The following FLNB variants were observed in gnomAD, a reference collection of about 807,000 sequenced individuals.
The protein encoded by FLNB is filamin-B.
In FLNB, 111 loss-of-function variants were observed where a neutral mutation model predicts 250.6. The observed-to-expected ratio is 0.44, with a 90% confidence interval of 0.38 to 0.52. FLNB has a LOEUF of 0.52. FLNB is among the 20% of genes least tolerant of loss of function. The pLI, the probability that FLNB is intolerant of heterozygous loss-of-function variation, is 0.00. For synonymous variants in FLNB, 1,302 were observed against 1,372.1 expected, an observed-to-expected ratio of 0.95 and a Z score of 1.13; for missense variants, 2,869 against 3,447.8, an observed-to-expected ratio of 0.83 and a Z score of 4.20.
chr3:58,019,014 A>G (rs543361155), intron 1 of FLNB, among the ~76,000 whole-genome samples: 175 of 151,720 alleles, frequency 1.2e-3, no homozygotes, highest in African/African-American at 4.0e-3. Flanking sequence ...ACAAGCCTAC[A>G]TAGTTGTAGC....
chr3:58,052,700 G>A (rs573553181), intron 1 of FLNB, among the ~76,000 whole-genome samples: 3 of 152,320 alleles, frequency 2.0e-5, no homozygotes, highest in Non-Finnish European at 2.9e-5. Context: ...GCTGATGGCC[G>A]AGGTGTGTGA....
intron 1 of FLNB, among the ~76,000 whole-genome samples, chr3:58,053,505 G>T (rs997197182): frequency 6.6e-6 from 1 of 152,152 alleles, no homozygotes; most frequent in Non-Finnish European, 1.5e-5. Context: ...CTGTCACCCG[G>T]GCTGGAGTGC....
chr3:58,148,724 G>A lies in FLNB; in HGVS notation c.5963G>A (p.Ser1988Asn). Residue 1988 changes from serine (S) to asparagine (N), a missense_variant, in exon 36 of 46, where the codon AGC becomes AAC. By Grantham distance (46) the Ser-to-Asn change is conservative. Coordinates refer to ENST00000295956, the MANE Select transcript of FLNB (RefSeq NM_001457.4). ...IKKNGNHVAN[S>N]PVSIMVVQSE... ...AAAAATGGCAACCATGTGGCCAACA[G>A]CCCCGTGTCTATCATGGTGGTCCAG... 6.2e-7 allele frequency: 1 copy of A among 1,614,106 alleles called. No homozygotes were observed. The highest frequency in any genetic ancestry group is 8.5e-7 in the Non-Finnish European group (1 of 1,180,004).
intron 44 of FLNB, 30 bp downstream of exon 44, chr3:58,168,688 T>C (rs2097375214): frequency 6.7e-7 from 1 of 1,502,296 alleles, no homozygotes; most frequent in Non-Finnish European, 9.3e-7. Flanking sequence ...GGAGTTACTC[T>C]CCCTTCCTGG....
intron 42 of FLNB, chr3:58,162,869 A>C: frequency 2.4e-6 from 1 of 423,984 alleles, no homozygotes; most frequent in Non-Finnish European, 4.4e-6. Flanking sequence ...TTCACACTGA[A>C]GAAGTGAGGT....
intron 39 of FLNB, 92 bp downstream of exon 39, chr3:58,153,733 G>A: frequency 4.8e-6 from 7 of 1,447,020 alleles, no homozygotes; most frequent in Non-Finnish European, 6.7e-6. Context: ...CCATTTGAAA[G>A]AGAAGACTTC....
At chr3:58,095,363 G>A (rs138861008) in intron 5 of FLNB, among the ~76,000 whole-genome samples, 160 of 152,104 alleles carry the variant, frequency 1.1e-3, no homozygotes, top group East Asian at 7.0e-3. Context: ...GCCTCAGCCC[G>A]GCTAATTTTT....
chr3:58,029,894 G>A (rs998524730), intron 1 of FLNB, among the ~76,000 whole-genome samples: 1 of 152,068 alleles, frequency 6.6e-6, no homozygotes, highest in Admixed American at 6.6e-5. Context: ...TGAGGCCTCC[G>A]TCCTCACTGC....
chr3:58,011,380 C>A (rs1168727090), intron 1 of FLNB, among the ~76,000 whole-genome samples: 1 of 152,120 alleles, frequency 6.6e-6, no homozygotes, highest in Non-Finnish European at 1.5e-5. Flanking sequence ...TTAATGATTT[C>A]TTGGATCATA....
At chr3:58,101,713 G>A (rs762400646) in intron 8 of FLNB, among the ~76,000 whole-genome samples, 1 of 152,212 alleles carries the variant, frequency 6.6e-6, no homozygotes, top group Non-Finnish European at 1.5e-5. Flanking sequence ...TTGCCTGGTT[G>A]TTCAGGCGGA....
At chr3:58,058,850 A>G (rs1027254568) in intron 1 of FLNB, among the ~76,000 whole-genome samples, 9 of 152,138 alleles carry the variant, frequency 5.9e-5, no homozygotes, top group Admixed American at 5.2e-4. Context: ...TGCCAGTTTT[A>G]TAGAATGTAA....
At chr3:58,019,899 T>G (rs1559639252) in intron 1 of FLNB, among the ~76,000 whole-genome samples, 1 of 152,122 alleles carries the variant, frequency 6.6e-6, no homozygotes, top group Non-Finnish European at 1.5e-5. Context: ...TCACCGCAGG[T>G]GTGGACAGTA....
intron 8 of FLNB, 149 bp downstream of exon 8, chr3:58,099,057 C>A: frequency 1.4e-6 from 1 of 721,084 alleles, no homozygotes; most frequent in Non-Finnish European, 2.5e-6. Flanking sequence ...AAGTGGCTTA[C>A]TTTGTCCTCA....
chr3:58,143,647 C>T (rs1411801103), intron 32 of FLNB, 34 bp downstream of exon 32: 1 of 1,612,606 alleles, frequency 6.2e-7, no homozygotes. Flanking sequence ...CAGGGCTCCA[C>T]CATTCAGGGG....
chr3:58,143,001 G>A (rs2097329617), intron 31 of FLNB, among the ~76,000 whole-genome samples: 1 of 152,200 alleles, frequency 6.6e-6, no homozygotes. Context: ...TTCTCTCTAG[G>A]TTAAAAACTG....
chr3:58,049,781 A>G (rs1352999226), intron 1 of FLNB, among the ~76,000 whole-genome samples: 1 of 152,142 alleles, frequency 6.6e-6, no homozygotes, highest in African/African-American at 2.4e-5. Flanking sequence ...GGGTGTCAGG[A>G]CTGTTGTGCA....
intron 1 of FLNB, among the ~76,000 whole-genome samples, chr3:58,020,050 T>G (rs1279211861): frequency 8.1e-4 from 24 of 29,706 alleles, no homozygotes; most frequent in African/African-American, 3.2e-3. Context: ...ACCACAGGGG[T>G]GTGTGTGTGT....
At chr3:58,131,458 C>T (rs1424202542) in intron 25 of FLNB, among the ~76,000 whole-genome samples, 1 of 152,132 alleles carries the variant, frequency 6.6e-6, no homozygotes, top group South Asian at 2.1e-4. Flanking sequence ...GTAAGGCTAG[C>T]GGGCCATATA....
At chr3:58,092,578 C>T (rs891508480) in intron 4 of FLNB, among the ~76,000 whole-genome samples, 4 of 151,998 alleles carry the variant, frequency 2.6e-5, no homozygotes, top group Non-Finnish European at 5.9e-5. Flanking sequence ...CCTGGGAGGT[C>T]GAGGTTGCAG....
Sources: allele counts gnomAD v4.1 joint callset (sites outside exome capture counted in the v4.1 genomes callset), GRCh38; gene constraint gnomAD v4.1.1; transcripts MANE v1.5; gene names NCBI Gene and HGNC (gene_info 2026-07-23, HGNC 2026-07-21).